The following IMMP2L variants were observed in gnomAD, a reference collection of about 807,000 sequenced individuals.
IMMP2L encodes the protein mitochondrial inner membrane protease subunit 2.
Under a neutral mutation model 19.3 loss-of-function variants are expected in IMMP2L, and 18 were observed. That is an observed-to-expected ratio of 0.93 (90% confidence interval 0.64 to 1.38). The LOEUF (loss-of-function observed/expected upper bound fraction) is 1.38. Ranked by LOEUF, IMMP2L falls within the 40% of genes most tolerant of loss-of-function variation. The probability of loss-of-function intolerance (pLI) is 0.00; values close to 1 mark genes in which losing one functional copy is unlikely to be tolerated. For missense variants in IMMP2L, 233 were observed against 218.2 expected, an observed-to-expected ratio of 1.07 and a Z score of -0.43; for synonymous variants, 76 against 73.0, an observed-to-expected ratio of 1.04 and a Z score of -0.21.
At chr7:111,018,885 T>C (rs1825986833) in intron 3 of IMMP2L, among the ~76,000 whole-genome samples, 1 of 150,880 alleles carries the variant, frequency 6.6e-6, no homozygotes, top group Non-Finnish European at 1.5e-5. Context: ...ATGGCATTGA[T>C]TTAAAAAAAA....
intron 3 of IMMP2L, among the ~76,000 whole-genome samples, chr7:111,300,035 A>G (rs1459198144): frequency 6.6e-6 from 1 of 152,222 alleles, no homozygotes; most frequent in Admixed American, 6.5e-5. Flanking sequence ...AAAAAATATT[A>G]AGACATCTAT....
intron 3 of IMMP2L, among the ~76,000 whole-genome samples, chr7:111,339,460 A>G (rs1826793568): frequency 6.6e-6 from 1 of 152,032 alleles, no homozygotes; most frequent in Non-Finnish European, 1.5e-5. Context: ...ACATAAATAT[A>G]TAGAACATAC....
At chr7:111,061,532 CCTCT>C (rs948152839) in intron 3 of IMMP2L, among the ~76,000 whole-genome samples, 3 of 151,924 alleles carry the variant, frequency 2.0e-5, no homozygotes, top group Non-Finnish European at 4.4e-5. Context: ...ATACTCAATT[CCTCT>C]CTCTCCCTCA....
intron 3 of IMMP2L, among the ~76,000 whole-genome samples, chr7:111,061,265 C>T (rs749410773): frequency 6.6e-6 from 1 of 152,138 alleles, no homozygotes; most frequent in Non-Finnish European, 1.5e-5. Context: ...AGAGATTAAT[C>T]AGACTGGCTA....
chr7:110,865,547 T>G (rs138707388), intron 5 of IMMP2L, among the ~76,000 whole-genome samples: 191 of 152,158 alleles, frequency 1.3e-3, no homozygotes, highest in Non-Finnish European at 2.1e-3. Flanking sequence ...TGGAAGAATC[T>G]TAGTAACAGA....
intron 3 of IMMP2L, among the ~76,000 whole-genome samples, chr7:111,160,231 T>C (rs2129606294): frequency 6.6e-6 from 1 of 152,200 alleles, no homozygotes; most frequent in South Asian, 2.1e-4. Flanking sequence ...GCCATAAGTA[T>C]GTTTGTATTA....
At chr7:111,250,905 G>C (rs1816031264) in intron 3 of IMMP2L, among the ~76,000 whole-genome samples, 1 of 152,122 alleles carries the variant, frequency 6.6e-6, no homozygotes, top group South Asian at 2.1e-4. Flanking sequence ...ATTGACAAAT[G>C]GGATCTAATC....
At chr7:111,240,606 G>A (rs1190612066) in intron 3 of IMMP2L, among the ~76,000 whole-genome samples, 4 of 151,946 alleles carry the variant, frequency 2.6e-5, no homozygotes, top group East Asian at 1.9e-4. Flanking sequence ...AGTGTACCAT[G>A]TGTTGTATCT....
chr7:111,352,371 T>TC (rs1244325236), intron 3 of IMMP2L, among the ~76,000 whole-genome samples: 4 of 149,286 alleles, frequency 2.7e-5, no homozygotes, highest in South Asian at 2.1e-4. Context: ...AACTAACTTT[T>TC]TTTTTTTTTT....
chr7:111,170,582 G>A (rs1197589838), intron 3 of IMMP2L, among the ~76,000 whole-genome samples: 2 of 151,744 alleles, frequency 1.3e-5, no homozygotes, highest in Admixed American at 1.3e-4. Context: ...GAGAGGTAGA[G>A]AATGTGACCA....
chr7:111,300,105 TG>T (rs1822062171), intron 3 of IMMP2L, among the ~76,000 whole-genome samples: 1 of 152,212 alleles, frequency 6.6e-6, no homozygotes. Flanking sequence ...TAAGTGATAC[TG>T]GTCCTCTGGG....
At chr7:110,812,391 G>A (rs1802106203) in intron 5 of IMMP2L, among the ~76,000 whole-genome samples, 1 of 152,042 alleles carries the variant, frequency 6.6e-6, no homozygotes, top group Non-Finnish European at 1.5e-5. Context: ...ACAGGAGTTA[G>A]AAGGAGCCAG....
intron 3 of IMMP2L, among the ~76,000 whole-genome samples, chr7:111,448,030 C>T (rs1160659981): frequency 6.9e-5 from 10 of 144,292 alleles, no homozygotes; most frequent in Non-Finnish European, 1.3e-4. Flanking sequence ...TATATGCACC[C>T]AATACAGGAG....
intron 3 of IMMP2L, among the ~76,000 whole-genome samples, chr7:110,966,512 A>T (rs1235456347): frequency 6.6e-6 from 1 of 152,072 alleles, no homozygotes; most frequent in Non-Finnish European, 1.5e-5. Flanking sequence ...TTTTATGCCA[A>T]CAATGTTTAA....
intron 5 of IMMP2L, among the ~76,000 whole-genome samples, chr7:110,876,506 CGT>C (rs1563045739): frequency 6.6e-6 from 1 of 152,074 alleles, no homozygotes; most frequent in African/African-American, 2.4e-5. Flanking sequence ...GACTGCTGCT[CGT>C]GCTTAATTTT....
At chr7:110,864,184 A>C (rs969639308) in intron 5 of IMMP2L, among the ~76,000 whole-genome samples, 5 of 152,162 alleles carry the variant, frequency 3.3e-5, no homozygotes, top group Non-Finnish European at 4.4e-5. Flanking sequence ...GATAAAAAGA[A>C]AAATACCAAA....
At position 110,727,111 on chromosome 7, in the gene IMMP2L, G is replaced by C. The variant is rs893894344; in HGVS notation, c.409-63390C>G. On this transcript the variant is annotated intron_variant, in intron 5 of 5. Coordinates refer to ENST00000405709, the MANE Select transcript of IMMP2L (RefSeq NM_032549.4). The surrounding 1 kb of genome is among the most constrained non-coding windows in gnomAD (Gnocchi z 4.3). ...TTTAAAATCCTCCAAGTCCAGGCTGGGTGCAATGGCTCACGCCTATAATTC... is the reference window on the plus strand; with the variant it reads ...TTTAAAATCCTCCAAGTCCAGGCTGCGTGCAATGGCTCACGCCTATAATTC... Among the ~76,000 whole-genome samples the C allele has an allele frequency of 7.9e-4, 120 of 152,282 alleles. No homozygotes were observed. The highest frequency in any genetic ancestry group is 4.0e-4 in the Non-Finnish European group (27 of 68,028).
chr7:111,144,778 G>A (rs554177644), intron 3 of IMMP2L, among the ~76,000 whole-genome samples: 1 of 152,234 alleles, frequency 6.6e-6, no homozygotes, highest in South Asian at 2.1e-4. Context: ...AACTATTTAT[G>A]TGCCAGTACT....
At chr7:110,930,807 G>C (rs1283526233) in intron 4 of IMMP2L, among the ~76,000 whole-genome samples, 1 of 152,112 alleles carries the variant, frequency 6.6e-6, no homozygotes, top group Non-Finnish European at 1.5e-5. Context: ...TTATTATTTA[G>C]TTATTACATG....
Sources: allele counts gnomAD v4.1 joint callset (sites outside exome capture counted in the v4.1 genomes callset), GRCh38; gene constraint gnomAD v4.1.1; non-coding constraint Gnocchi (gnomAD v3.1); transcripts MANE v1.5; gene names NCBI Gene and HGNC (gene_info 2026-07-23, HGNC 2026-07-21).